Variants in AAMDC observed in about 807,000 individuals in gnomAD.
The protein encoded by AAMDC is mth938 domain-containing protein.
A neutral mutation model predicts 15.5 loss-of-function variants in AAMDC; 16 were observed. The observed-to-expected ratio is 1.03, with a 90% CI of 0.70 to 1.57. The LOEUF (loss-of-function observed/expected upper bound fraction) is 1.57, where lower values mean the gene tolerates loss of function less well. Ranked by LOEUF, AAMDC falls within the 40% of genes most tolerant of loss-of-function variation. The pLI is 0.00. For missense variants in AAMDC, 141 were observed against 144.9 expected (o/e 0.97, Z 0.14); for synonymous variants, 51 against 51.6 (o/e 0.99, Z 0.05).
At chr11:77,877,780 G>A (rs1951640598) in intron 5 of AAMDC, among the ~76,000 whole-genome samples, 1 of 151,540 alleles carries the variant, frequency 6.6e-6, no homozygotes, top group African/African-American at 2.4e-5. Flanking sequence ...ATGGGGTCTC[G>A]CTATGTTGCC....
intron 5 of AAMDC, among the ~76,000 whole-genome samples, chr11:77,882,774 G>A (rs1197075124): frequency 6.6e-6 from 1 of 152,056 alleles, no homozygotes; most frequent in Non-Finnish European, 1.5e-5. Context: ...CTGACAGAGG[G>A]AAACCATTAA....
chr11:77,874,595 T>C (rs963092938), downstream of AAMDC, among the ~76,000 whole-genome samples: 1 of 152,180 alleles, frequency 6.6e-6, no homozygotes, highest in African/African-American at 2.4e-5. Context: ...TGGTTAACGA[T>C]GGAAATATGT....
chr11:77,903,570 C>G, downstream of AAMDC: 1 of 1,613,950 alleles, frequency 6.2e-7, no homozygotes, highest in South Asian at 1.1e-5. Flanking sequence ...CCAAATCACT[C>G]TGCTTCAAAT....
At chr11:77,854,501 T>C (rs994990969) in intron 2 of AAMDC, among the ~76,000 whole-genome samples, 1 of 152,202 alleles carries the variant, frequency 6.6e-6, no homozygotes, top group African/African-American at 2.4e-5. Context: ...TACAGGCCCA[T>C]GCAAGTCTGA....
At chr11:77,836,791 C>T (rs901635398) in intron 1 of AAMDC, among the ~76,000 whole-genome samples, 9 of 152,142 alleles carry the variant, frequency 5.9e-5, no homozygotes, top group African/African-American at 1.9e-4. Context: ...CATGGAGAAA[C>T]GCCATCTCTA....
At chr11:77,867,230 T>C (rs1951159292) in intron 2 of AAMDC, among the ~76,000 whole-genome samples, 1 of 152,210 alleles carries the variant, frequency 6.6e-6, no homozygotes, top group South Asian at 2.1e-4. Flanking sequence ...CTCTCGCCCA[T>C]TTGTTATCTC....
chr11:77,864,578 A>G (rs1951026720), intron 2 of AAMDC, among the ~76,000 whole-genome samples: 1 of 152,264 alleles, frequency 6.6e-6, no homozygotes, highest in Non-Finnish European at 1.5e-5. Context: ...AAACTCAGTG[A>G]GTCAAAGGTT....
intron 5 of AAMDC, among the ~76,000 whole-genome samples, chr11:77,896,252 G>A (rs937097621): frequency 6.6e-6 from 1 of 152,020 alleles, no homozygotes; most frequent in African/African-American, 2.4e-5. Flanking sequence ...TAGTAGAGAA[G>A]CACACTTGGA....
At chr11:77,858,327 T>TTTTTTTTTCAG (rs1950723241) in intron 2 of AAMDC, among the ~76,000 whole-genome samples, 1 of 143,006 alleles carries the variant, frequency 7.0e-6, no homozygotes, top group African/African-American at 2.7e-5. Flanking sequence ...TTTTTTTTTT[T>TTTTTTTTTCAG]GTAGTTGCAA....
chr11:77,843,711 A>G (rs1314710386), intron 2 of AAMDC, among the ~76,000 whole-genome samples: 1 of 152,210 alleles, frequency 6.6e-6, no homozygotes, highest in East Asian at 1.9e-4. Flanking sequence ...GTGTGAGATT[A>G]GGATGCCAGC....
At chr11:77,865,279 A>G (rs1477006139) in intron 2 of AAMDC, among the ~76,000 whole-genome samples, 1 of 152,194 alleles carries the variant, frequency 6.6e-6, no homozygotes, top group Non-Finnish European at 1.5e-5. Context: ...AGAAGATAGA[A>G]GTGTCTTTCT....
At chr11:77,847,560 T>C (rs1291258671) in intron 2 of AAMDC, among the ~76,000 whole-genome samples, 1 of 152,164 alleles carries the variant, frequency 6.6e-6, no homozygotes, top group Non-Finnish European at 1.5e-5. Flanking sequence ...CATGGAGATA[T>C]AGAAGGGACA....
chr11:77,841,042 A>C, intron 1 of AAMDC: 1 of 586,758 alleles, frequency 1.7e-6, no homozygotes, highest in Non-Finnish European at 3.0e-6. Context: ...GAAGTCCAAG[A>C]CCAGTTGGCT....
chr11:77,881,374 C>A (rs575606513), intron 5 of AAMDC, among the ~76,000 whole-genome samples: 33 of 152,072 alleles, frequency 2.2e-4, no homozygotes, highest in African/African-American at 7.5e-4. Context: ...TGAAGGAGCT[C>A]CCTAGAAACT....
chr11:77,884,759 C>CTT, intron 5 of AAMDC: 10 of 382,226 alleles, frequency 2.6e-5, no homozygotes, highest in Non-Finnish European at 4.3e-5. Flanking sequence ...TTCTTTCTTT[C>CTT]TTTTTTTTTC....
chr11:77,881,082 C>G (rs554220496), intron 5 of AAMDC, among the ~76,000 whole-genome samples: 1 of 152,076 alleles, frequency 6.6e-6, no homozygotes, highest in East Asian at 1.9e-4. Flanking sequence ...AGGAGTAAAG[C>G]GGAGAAGAGA....
chr11:77,840,842 A>C (rs1418386696), intron 1 of AAMDC, among the ~76,000 whole-genome samples: 1 of 152,162 alleles, frequency 6.6e-6, no homozygotes, highest in African/African-American at 2.4e-5. Context: ...AGCCTGGCGA[A>C]ACAACTTTTC....
In AAMDC at chr11:77,841,269, T is replaced by A. The variant is rs974565715; in HGVS notation, c.-18-1210T>A. ...TTATAATGGCAGTTAAATTTAAACA[T>A]GAGTTTGGAAGGGTGCAGACATTCA... On this transcript the variant is annotated intron_variant, in intron 1 of 3. Coordinates refer to ENST00000393427, the MANE Select transcript of AAMDC (RefSeq NM_024684.4). 4.0e-5 allele frequency: 28 copies of A among 702,180 alleles called. No individual in the cohort carries two copies. In the East Asian group the frequency reaches 7.5e-4, roughly 19 times the overall value. The allele number at this position is 702,180 out of a possible 1,614,324, so 43.5% of individuals were successfully genotyped here. A position where few individuals can be genotyped will look rare whatever the true frequency, so the allele number is the denominator to read the frequency against.
chr11:77,864,162 G>A (rs1276988670), intron 2 of AAMDC, among the ~76,000 whole-genome samples: 1 of 151,800 alleles, frequency 6.6e-6, no homozygotes, highest in African/African-American at 2.4e-5. Flanking sequence ...CCTGACCTCA[G>A]GTGATACGCC....
Sources: gnomAD v4.1 joint callset for allele counts (sites outside exome capture counted in the v4.1 genomes callset) on GRCh38, gnomAD v4.1.1 for gene constraint, MANE v1.5 for transcripts, NCBI Gene and HGNC (gene_info 2026-07-23, HGNC 2026-07-21) for gene names.